SCN9A: variants seen among roughly 807,000 people sequenced by gnomAD.
SCN9A encodes sodium channel protein type 9 subunit alpha.
In SCN9A, 131 loss-of-function variants were observed where a neutral mutation model predicts 187.0. The observed-to-expected ratio is 0.70, with a 90% CI of 0.61 to 0.81. The LOEUF (loss-of-function observed/expected upper bound fraction) is 0.81. Among genes scored for constraint, SCN9A ranks in the 30% least tolerant of loss-of-function variants. The pLI is 0.00. For missense variants in SCN9A, 2,252 were observed against 2,396.6 expected (o/e 0.94, Z 1.26); for synonymous variants, 809 against 808.6 (o/e 1.00, Z -0.01).
chr2:166,306,824 T>G (rs919119679), intron 3 of SCN9A, 132 bp downstream of exon 3: 1 of 642,722 alleles, frequency 1.6e-6, no homozygotes, highest in Non-Finnish European at 2.7e-6. Context: ...CAAATTATAT[T>G]AATAATACTG....
At chr2:166,213,460 AAT>A (rs1694182903) in intron 24 of SCN9A, among the ~76,000 whole-genome samples, 1 of 26,476 alleles carries the variant, frequency 3.8e-5, no homozygotes, top group Non-Finnish European at 8.0e-5. Flanking sequence ...AAATTGAACC[AAT>A]AATAATAATA....
Position 166,311,698 on chromosome 2 carries a change from A to C in SCN9A, c.59T>G (p.Leu20Arg), listed in dbSNP as rs757627939. 3.7e-6 allele frequency: 6 copies of C among 1,612,990 alleles called. No individual in the cohort carries two copies. Among genetic ancestry groups the C allele is most frequent in the Middle Eastern group, 1.6e-4 (1 of 6,062 alleles). ...AGCAATGCGTTGTTCAATGAGGGCA[A>C]GAGACTGTTTTGTGAAATGGACAAA... ...QSFVHFTKQSLALIEQRIAER... is the reference protein window; with the variant it reads ...QSFVHFTKQSRALIEQRIAER... The change falls in exon 2 of 27, where the codon CTT (leucine) becomes CGT (arginine). Residue 20 changes from leucine to arginine, a missense_variant. Coordinates refer to ENST00000642356, the MANE Select transcript of SCN9A (RefSeq NM_001365536.1).
At chr2:166,326,085 C>T (rs968041677) in intron 1 of SCN9A, among the ~76,000 whole-genome samples, 3 of 152,102 alleles carry the variant, frequency 2.0e-5, no homozygotes, top group African/African-American at 7.2e-5. Context: ...CCAGATGGAT[C>T]TGAAAACTCT....
rs202034764 is a variant in SCN9A, at chr2:166,195,853, A to C, written c.*2819T>G. On this transcript the variant is annotated 3_prime_UTR_variant, in exon 27 of 27. Coordinates refer to ENST00000642356, the MANE Select transcript of SCN9A (RefSeq NM_001365536.1). Reference sequence around the variant, plus strand: ...CACTTGAAGCCAGGAGTTTGAGACTAGCCTGGGCAACATAGCAAGACCCCT... The same window carrying C: ...CACTTGAAGCCAGGAGTTTGAGACTCGCCTGGGCAACATAGCAAGACCCCT... 7.9e-5 allele frequency: 12 copies of C among 152,276 alleles called. No individual in the cohort carries two copies. Among genetic ancestry groups the C allele is most frequent in the Non-Finnish European group, 1.6e-4 (11 of 68,126 alleles). 9.4% of individuals were successfully genotyped at this position (152,276 alleles called of 1,614,324 possible). A position where few individuals can be genotyped will look rare whatever the true frequency, so the allele number is the denominator to read the frequency against.
At chr2:166,319,017 G>A (rs986764495) in intron 1 of SCN9A, among the ~76,000 whole-genome samples, 3 of 152,012 alleles carry the variant, frequency 2.0e-5, no homozygotes, top group African/African-American at 4.8e-5. Flanking sequence ...CAAGCTAAAA[G>A]TACAAAAGAA....
chr2:166,272,694 T>G lies in SCN9A; in HGVS notation c.3056A>C (p.Lys1019Thr). Residue 1019 changes from lysine (K) to threonine (T), a missense_variant, in exon 17 of 27, where the codon AAG becomes ACG. Lys to Thr is a moderately conservative substitution (Grantham distance 78, BLOSUM62 -1). Coordinates refer to ENST00000642356, the MANE Select transcript of SCN9A (RefSeq NM_001365536.1). ...TGCTTGTCTTATCTCCCTGGAAATC[T>G]TTGGCTTTTTGGAAAATGCTTTTAG... The part of the protein sequence containing the change: ...FILKAFSKKP[K>T]ISREIRQAED... The G allele has an allele frequency of 6.3e-7, 1 of 1,598,208 alleles. No individual in the cohort carries two copies. The highest frequency in any genetic ancestry group is 8.5e-7 in the Non-Finnish European group (1 of 1,172,734).
intron 19 of SCN9A, among the ~76,000 whole-genome samples, chr2:166,239,113 T>A (rs1410940358): frequency 6.6e-6 from 1 of 151,974 alleles, no homozygotes; most frequent in East Asian, 1.9e-4. Context: ...TTCAGCCACA[T>A]GTCCCTTGAC....
At chr2:166,296,139 T>A (rs1698291171) in intron 7 of SCN9A, 1 of 152,216 alleles carries the variant, frequency 6.6e-6, no homozygotes, top group African/African-American at 2.4e-5. Flanking sequence ...AGTAAGTGAA[T>A]TATCTTTAAG....
chr2:166,285,532 A>T (rs1241908813), intron 11 of SCN9A, among the ~76,000 whole-genome samples: 2 of 152,176 alleles, frequency 1.3e-5, no homozygotes, highest in Admixed American at 1.3e-4. Context: ...TGCTCCTGTC[A>T]TATTTATTTT....
rs184685668 is a variant in SCN9A at position 166,329,084 on chromosome 2, C to T, written c.-50-17278G>A. The stretch of plus-strand genomic sequence containing the variant: ...CTTTTAATAACTGAAAATTAGAAAG[C>T]GATCTTAAGTGACCAGCCATCAATT... On this transcript the variant is annotated intron_variant, in intron 1 of 26. Coordinates refer to ENST00000642356, the MANE Select transcript of SCN9A (RefSeq NM_001365536.1). 1.8e-3 allele frequency among the ~76,000 whole-genome samples: 271 copies of T among 152,080 alleles called. 3 individuals are homozygous for T. The highest frequency in any genetic ancestry group is 5.9e-3 in the African/African-American group (245 of 41,504).
At chr2:166,261,062 A>T (rs1696483817) in intron 17 of SCN9A, among the ~76,000 whole-genome samples, 1 of 151,908 alleles carries the variant, frequency 6.6e-6, no homozygotes, top group African/African-American at 2.4e-5. Context: ...AAAGTATAAC[A>T]TTACAATTGA....
Position 166,309,995 on chromosome 2 carries a change from T to C in SCN9A, c.258+1504A>G, listed in dbSNP as rs1238525365. Among the ~76,000 whole-genome samples the C allele has an allele frequency of 1.4e-3, 169 of 123,246 alleles. 1 individual carries two copies. The highest frequency in any genetic ancestry group is 5.4e-3 in the African/African-American group (163 of 30,042). The allele number at this position is 123,246 out of a possible 152,430, so 80.9% of individuals were successfully genotyped here. On this transcript the variant is annotated intron_variant, in intron 2 of 26. Coordinates refer to ENST00000642356, the MANE Select transcript of SCN9A (RefSeq NM_001365536.1). ...TGACAAACCTGAGAAAAACAAGCAA[T>C]GGGGAAAGGATTCCCTATTTAACAA...
intron 1 of SCN9A, among the ~76,000 whole-genome samples, chr2:166,338,140 A>G (rs1203288401): frequency 6.6e-6 from 1 of 152,196 alleles, no homozygotes; most frequent in East Asian, 1.9e-4. Flanking sequence ...GCAGCAAAGC[A>G]TATCTATGCA....
intron 1 of SCN9A, among the ~76,000 whole-genome samples, chr2:166,321,975 G>T (rs1417906226): frequency 6.6e-6 from 1 of 152,006 alleles, no homozygotes; most frequent in African/African-American, 2.4e-5. Context: ...AACTCTTGAT[G>T]CTGTAAAATA....
At chr2:166,203,177 C>T (rs1303588405) in intron 26 of SCN9A, among the ~76,000 whole-genome samples, 2 of 151,812 alleles carry the variant, frequency 1.3e-5, no homozygotes, top group African/African-American at 4.8e-5. Flanking sequence ...ATGTGGCACT[C>T]AATTTTATGA....
At chr2:166,221,813 C>T (rs192890409) in intron 24 of SCN9A, among the ~76,000 whole-genome samples, 1 of 152,130 alleles carries the variant, frequency 6.6e-6, no homozygotes, top group Admixed American at 6.5e-5. Flanking sequence ...CAGAAATAAA[C>T]CCATGCATAA....
intron 17 of SCN9A, among the ~76,000 whole-genome samples, chr2:166,257,466 G>C (rs1382692713): frequency 6.6e-6 from 1 of 151,578 alleles, no homozygotes; most frequent in Non-Finnish European, 1.5e-5. Flanking sequence ...ATAATTACTA[G>C]CTTTTTAAAC....
chr2:166,226,436 T>G, intron 24 of SCN9A, 131 bp downstream of exon 24: 1 of 672,868 alleles, frequency 1.5e-6, no homozygotes, highest in Non-Finnish European at 2.4e-6. Context: ...TACTAGTCAA[T>G]TATTTGAAAA....
At chr2:166,358,402 C>T (rs558548847) in intron 1 of SCN9A, among the ~76,000 whole-genome samples, 183 of 152,060 alleles carry the variant, frequency 1.2e-3, no homozygotes, top group South Asian at 8.9e-3. Context: ...TTTTAGTTTG[C>T]ATTTTCTTTT....
Sources: gnomAD v4.1 joint callset for allele counts (sites outside exome capture counted in the v4.1 genomes callset) on GRCh38, gnomAD v4.1.1 for gene constraint, MANE v1.5 for transcripts, NCBI Gene and HGNC (gene_info 2026-07-23, HGNC 2026-07-21) for gene names.